Variants in CTIF observed in about 807,000 individuals in gnomAD.
The protein encoded by CTIF is cap binding complex dependent translation initiation factor.
A neutral mutation model predicts 66.0 loss-of-function variants in CTIF; 21 were observed. The ratio of observed to expected loss-of-function variants is 0.32; its 90% CI spans 0.23 to 0.46. The LOEUF is 0.46. Ranked by LOEUF, CTIF falls within the 20% of genes least tolerant of loss-of-function variation. The pLI is 1.00. For missense variants in CTIF, 739 were observed against 812.7 expected, an observed-to-expected ratio of 0.91 and a Z score of 1.10; for synonymous variants, 345 against 326.4, an observed-to-expected ratio of 1.06 and a Z score of -0.62.
intron 1 of CTIF, among the ~76,000 whole-genome samples, chr18:48,595,985 G>A (rs1332740624): frequency 1.3e-5 from 2 of 152,170 alleles, no homozygotes; most frequent in African/African-American, 4.8e-5. Context: ...AGTCAACAAG[G>A]TGGCAGTCAT....
Position 48,761,304 on chromosome 18 carries a change from G to A in CTIF, c.1072-86G>A, listed in dbSNP as rs1299269843. On this transcript the variant is annotated intron_variant, in intron 8 of 11. Coordinates refer to ENST00000256413, the MANE Select transcript of CTIF (RefSeq NM_014772.3). This position sits in a 1 kb window ranked among gnomAD's most constrained non-coding sequence, Gnocchi z 4.2. The stretch of plus-strand genomic sequence containing the variant: ...AGTAGGCCTGGTCCTGCTTTCTGGG[G>A]GTGGCCACCCTCTTTCCACCAGGCC... 2 of 1,345,018 alleles carry A rather than the reference G, an allele frequency of 1.5e-6. No homozygotes were observed. Among genetic ancestry groups the A allele is most frequent in the African/African-American group, 2.9e-5 (2 of 69,232 alleles). The allele number at this position is 1,345,018 out of a possible 1,614,324, so 83.3% of individuals were successfully genotyped here.
intron 1 of CTIF, among the ~76,000 whole-genome samples, chr18:48,571,848 GAGAA>G (rs537675916): frequency 3.3e-5 from 5 of 152,158 alleles, no homozygotes; most frequent in Admixed American, 6.5e-5. Context: ...GAGAGAGAGA[GAGAA>G]AGAGATTTGG....
At chr18:48,624,221 A>G (rs1243131929) in intron 2 of CTIF, among the ~76,000 whole-genome samples, 1 of 150,344 alleles carries the variant, frequency 6.7e-6, no homozygotes, top group Non-Finnish European at 1.5e-5. Flanking sequence ...CTGCTGTCCA[A>G]TAGATTGGAA....
intron 2 of CTIF, among the ~76,000 whole-genome samples, chr18:48,629,547 A>G (rs2090664480): frequency 6.6e-6 from 1 of 152,086 alleles, no homozygotes; most frequent in South Asian, 2.1e-4. Flanking sequence ...GAACAAGGAC[A>G]TGATACAGTA....
Position 48,687,145 on chromosome 18 carries a change from C to T in CTIF, c.507+16401C>T, listed in dbSNP as rs151250988. 4.6e-5 allele frequency among the ~76,000 whole-genome samples: 7 copies of T among 151,840 alleles called. No homozygotes were observed. In the East Asian group the frequency reaches 7.7e-4, roughly 17 times the overall value. On this transcript the variant is annotated intron_variant, in intron 6 of 11. Transcript: ENST00000256413. The stretch of plus-strand genomic sequence containing the variant: ...GGAGCAGATGGTGTCGTGTGGGAGT[C>T]GGGGATAAAGCGATCTGTCTTCAGA...
intron 6 of CTIF, among the ~76,000 whole-genome samples, chr18:48,682,206 A>G (rs955803042): frequency 3.3e-5 from 5 of 152,108 alleles, no homozygotes; most frequent in African/African-American, 1.2e-4. Context: ...CACTTAATAT[A>G]TTCCTAGAGC....
intron 9 of CTIF, among the ~76,000 whole-genome samples, chr18:48,792,845 G>T (rs1238454150): frequency 6.6e-6 from 1 of 152,318 alleles, no homozygotes; most frequent in East Asian, 1.9e-4. Context: ...TGTTGGAATT[G>T]TGCAATAGGA....
chr18:48,855,456 A>G lies in CTIF; in HGVS notation c.1528-2132A>G, dbSNP rs1299235013. ...ATCACCTTTGCATGAATTGAGTTAGATGTTGGTTACTGGGCTCCCTTGAGT... is the reference window on the plus strand; with the variant it reads ...ATCACCTTTGCATGAATTGAGTTAGGTGTTGGTTACTGGGCTCCCTTGAGT... On this transcript the variant is annotated intron_variant, in intron 10 of 11. Coordinates refer to ENST00000256413, the MANE Select transcript of CTIF (RefSeq NM_014772.3). Among the ~76,000 whole-genome samples, 4 of 152,230 alleles carry G rather than the reference A, an allele frequency of 2.6e-5. No individual in the cohort carries two copies. The East Asian group carries it at 7.7e-4, about 29-fold the overall frequency.
chr18:48,784,208 C>T (rs900158807), intron 9 of CTIF, among the ~76,000 whole-genome samples: 9 of 152,196 alleles, frequency 5.9e-5, no homozygotes, highest in African/African-American at 9.7e-5. Context: ...CGGCCCCGAG[C>T]ATCGAGAGGA....
In CTIF at chr18:48,701,074, T is replaced by C. The variant is rs184080157; in HGVS notation, c.508-10545T>C. On this transcript the variant is annotated intron_variant, in intron 6 of 11. Transcript: ENST00000256413. Reference sequence around the variant, plus strand: ...TTTGCCTTCTCTTGAGCTTGCTCTCTAGAGTTCTTGAGGCTCTGGGTCTTA... The same window carrying C: ...TTTGCCTTCTCTTGAGCTTGCTCTCCAGAGTTCTTGAGGCTCTGGGTCTTA... 1.5e-3 allele frequency among the ~76,000 whole-genome samples: 225 copies of C among 152,350 alleles called. 1 individual carries two copies. Among genetic ancestry groups the C allele is most frequent in the Non-Finnish European group, 7.5e-4 (51 of 68,036 alleles).
chr18:48,758,307 C>G lies in CTIF; in HGVS notation c.973C>G (p.Arg325Gly). The G allele has an allele frequency of 6.2e-7, 1 of 1,613,314 alleles. No individual in the cohort carries two copies. The highest frequency in any genetic ancestry group is 1.3e-5 in the African/African-American group (1 of 75,052). Residue 325 changes from arginine to glycine, a missense_variant, in exon 8 of 12, where the codon CGT becomes GGT. Physicochemically the swap from Arg to Gly is moderately radical, Grantham distance 125 (BLOSUM62 -2). Around this residue, in one of 2 missense-constraint regions of CTIF, gnomAD observed 529 missense variants for 520.3 expected, o/e 1.02. Coordinates refer to ENST00000256413, the MANE Select transcript of CTIF (RefSeq NM_014772.3). The part of the protein sequence containing the change: ...QSGGPEVETK[R>G]KDSILPERIG... ...AGGGGGGCCAGAGGTTGAGACAAAA[C>G]GTAAAGACAGTATTCTTCCCGAGCG...
At chr18:48,682,842 G>A (rs1226996014) in intron 6 of CTIF, 4 of 152,240 alleles carry the variant, frequency 2.6e-5, no homozygotes, top group Non-Finnish European at 5.9e-5. Context: ...AGGGTTTCTG[G>A]AAGGCTCATT....
At chr18:48,635,327 C>CT (rs561455888) in intron 2 of CTIF, among the ~76,000 whole-genome samples, 6,788 of 113,324 alleles carry the variant, frequency 0.06, 296 homozygotes, top group African/African-American at 0.12. Flanking sequence ...CTTTTTCTTT[C>CT]TTTTTTTTTT....
chr18:48,573,450 CTGTT>C (rs2089463901), intron 1 of CTIF, among the ~76,000 whole-genome samples: 1 of 152,162 alleles, frequency 6.6e-6, no homozygotes, highest in South Asian at 2.1e-4. Context: ...GGCTCATTGT[CTGTT>C]TATTTTTGTA....
chr18:48,572,775 C>T (rs367931909), intron 1 of CTIF, among the ~76,000 whole-genome samples: 14 of 152,062 alleles, frequency 9.2e-5, no homozygotes, highest in South Asian at 8.3e-4. Flanking sequence ...ATTGCTTGAC[C>T]CCAGGAGTTC....
chr18:48,687,578 T>C (rs4939794), intron 6 of CTIF, among the ~76,000 whole-genome samples: 1 of 152,190 alleles, frequency 6.6e-6, no homozygotes, highest in African/African-American at 2.4e-5. Context: ...CCCTTCCTGG[T>C]GGGAAAGACT....
intron 7 of CTIF, among the ~76,000 whole-genome samples, chr18:48,738,956 C>T (rs1363201151): frequency 6.6e-6 from 1 of 152,200 alleles, no homozygotes; most frequent in Non-Finnish European, 1.5e-5. Context: ...CTTGGGCTAC[C>T]TCCCATCCTG....
At chr18:48,811,073 ATGT>A (rs1188414445) in intron 9 of CTIF, among the ~76,000 whole-genome samples, 6 of 152,132 alleles carry the variant, frequency 3.9e-5, no homozygotes, top group Admixed American at 1.3e-4. Flanking sequence ...AAATTAGGAA[ATGT>A]TGTGTGCTTT....
intron 1 of CTIF, among the ~76,000 whole-genome samples, chr18:48,605,328 T>G (rs1437318688): frequency 6.6e-6 from 1 of 152,206 alleles, no homozygotes; most frequent in Non-Finnish European, 1.5e-5. Flanking sequence ...ACTTCTAAGC[T>G]TCTAGGATTC....
Sources: allele counts gnomAD v4.1 joint callset (sites outside exome capture counted in the v4.1 genomes callset), GRCh38; gene constraint gnomAD v4.1.1; regional missense constraint gnomAD v4.1.1; non-coding constraint Gnocchi (gnomAD v3.1); transcripts MANE v1.5; gene names NCBI Gene and HGNC (gene_info 2026-07-23, HGNC 2026-07-21).